GRIN3A: variants seen among roughly 807,000 people sequenced by gnomAD.
GRIN3A encodes the protein glutamate ionotropic receptor NMDA type subunit 3A.
Under a neutral mutation model 92.4 loss-of-function variants are expected in GRIN3A, and 47 were observed. That is an observed-to-expected ratio of 0.51 (90% CI 0.40 to 0.65). The LOEUF (loss-of-function observed/expected upper bound fraction) is 0.65. Among genes scored for constraint, GRIN3A ranks in the 30% least tolerant of loss-of-function variants. The pLI, the probability that GRIN3A is intolerant of heterozygous loss-of-function variation, is 0.00. For synonymous variants in GRIN3A, 527 were observed against 540.6 expected (o/e 0.97, Z 0.35); for missense variants, 1,324 against 1,393.1 (o/e 0.95, Z 0.79).
At chr9:101,580,744 ATTT>A (rs1449167226) in intron 6 of GRIN3A, among the ~76,000 whole-genome samples, 1 of 152,238 alleles carries the variant, frequency 6.6e-6, no homozygotes, top group Non-Finnish European at 1.5e-5. Context: ...TATAACGTCT[ATTT>A]TATAACTAAG....
chr9:101,659,983 A>G (rs1261497540), intron 3 of GRIN3A, among the ~76,000 whole-genome samples: 6 of 151,860 alleles, frequency 4.0e-5, no homozygotes, highest in African/African-American at 1.4e-4. Flanking sequence ...TGATTTTCCT[A>G]TGGTTTCTTG....
At chr9:101,701,066 C>T (rs894895596) in intron 1 of GRIN3A, among the ~76,000 whole-genome samples, 12 of 152,142 alleles carry the variant, frequency 7.9e-5, no homozygotes, top group African/African-American at 2.9e-4. Context: ...TACCGCGAAA[C>T]TTCTCCCCTC....
Position 101,687,069 on chromosome 9 carries a change from G to C in GRIN3A, c.831C>G (p.Thr277=), listed in dbSNP as rs148925855. ...LLLCQEDWNI[T]DFLLLTQNNS... Reference sequence around the variant, plus strand: ...TATTCTGGGTAAGGAGGAGGAAGTCGGTGATGTTCCAGTCTTCCTGGCACA... The same window carrying C: ...TATTCTGGGTAAGGAGGAGGAAGTCCGTGATGTTCCAGTCTTCCTGGCACA... Residue 277 remains threonine, a synonymous_variant, in exon 2 of 9, where the codon ACC becomes ACG. Transcript: ENST00000361820. 1 of 1,614,118 alleles carries C rather than the reference G, an allele frequency of 6.2e-7. No individual in the cohort carries two copies. The highest frequency in any genetic ancestry group is 1.1e-5 in the South Asian group (1 of 91,066).
Position 101,737,834 on chromosome 9 carries a change from C to G in GRIN3A, c.146G>C (p.Arg49Thr), listed in dbSNP as rs1055480172. 2.0e-6 allele frequency: 3 copies of G among 1,532,988 alleles called. No individual in the cohort carries two copies. The highest frequency in any genetic ancestry group is 2.6e-6 in the Non-Finnish European group (3 of 1,145,920). The allele number at this position is 1,532,988 out of a possible 1,614,324, so 95.0% of individuals were successfully genotyped here. A position where few individuals can be genotyped will look rare whatever the true frequency, so the allele number is the denominator to read the frequency against. The change falls in exon 1 of 9, where the codon AGG becomes ACG. Residue 49 changes from arginine to threonine, a missense_variant. Physicochemically the swap from Arg to Thr is moderately conservative, Grantham distance 71. Transcript: ENST00000361820. ...QILKRIGHAV[R>T]VGAVHLQPWT... ...GGGCTGCAAGTGCACCGCGCCCACC[C>G]TCACCGCGTGCCCGATGCGCTTGAG...
chr9:101,644,730 T>C (rs974550996), intron 3 of GRIN3A, among the ~76,000 whole-genome samples: 6 of 151,950 alleles, frequency 3.9e-5, no homozygotes, highest in Non-Finnish European at 8.8e-5. Flanking sequence ...TTTTCCTCTC[T>C]AATTCTATTG....
intron 3 of GRIN3A, among the ~76,000 whole-genome samples, chr9:101,668,810 A>T (rs988552336): frequency 1.3e-5 from 2 of 152,126 alleles, no homozygotes; most frequent in African/African-American, 4.8e-5. Context: ...TCCAACTGAA[A>T]CCATCTATGA....
At chr9:101,701,749 A>G (rs1404285692) in intron 1 of GRIN3A, among the ~76,000 whole-genome samples, 1 of 152,228 alleles carries the variant, frequency 6.6e-6, no homozygotes, top group African/African-American at 2.4e-5. Flanking sequence ...AACTATCAAC[A>G]GAGTAAACAG....
In GRIN3A at chr9:101,571,494, A is replaced by C. The variant is rs148722209; in HGVS notation, c.*1680T>G. 6.6e-6 allele frequency: 1 copy of C among 152,182 alleles called. No individual in the cohort carries two copies. The highest frequency in any genetic ancestry group is 1.5e-5 in the Non-Finnish European group (1 of 68,050). 9.4% of individuals were successfully genotyped at this position (152,182 alleles called of 1,614,324 possible). On this transcript the variant is annotated 3_prime_UTR_variant, in exon 9 of 9. Coordinates refer to ENST00000361820, the MANE Select transcript of GRIN3A (RefSeq NM_133445.3). Reference sequence around the variant, plus strand: ...CTCCTGAACTTATTGTAGGCATTCAAATTGGTTGGGGGTGGAACAATGAGT... The same window carrying C: ...CTCCTGAACTTATTGTAGGCATTCACATTGGTTGGGGGTGGAACAATGAGT...
In GRIN3A at chr9:101,573,218, C is replaced by G; in HGVS notation, c.3304G>C (p.Glu1102Gln). Residue 1102 changes from glutamate (E) to glutamine (Q), a missense_variant, in exon 9 of 9, where the codon GAG becomes CAG. Coordinates refer to ENST00000361820, the MANE Select transcript of GRIN3A (RefSeq NM_133445.3). ...CTTGTCCTTTGATACTCCTCCAGCT[C>G]CGTTTTCCTGCTCACAGCCAGCTGC... ...ELQLAVSRKT[E>Q]LEEYQRTSRT... The G allele has an allele frequency of 6.2e-7, 1 of 1,614,112 alleles. No homozygotes were observed. The highest frequency in any genetic ancestry group is 8.5e-7 in the Non-Finnish European group (1 of 1,179,982).
chr9:101,687,744 A>G (rs1399127018), intron 1 of GRIN3A, among the ~76,000 whole-genome samples: 5 of 152,168 alleles, frequency 3.3e-5, no homozygotes, highest in Admixed American at 3.3e-4. Context: ...GTAAAGAATA[A>G]TTTTCAATAC....
intron 6 of GRIN3A, among the ~76,000 whole-genome samples, chr9:101,585,762 C>G (rs1056611269): frequency 2.0e-5 from 3 of 152,196 alleles, no homozygotes; most frequent in African/African-American, 4.8e-5. Flanking sequence ...ATTGAGACAG[C>G]CTCCTAGTTG....
chr9:101,735,548 T>C (rs1247139314), intron 1 of GRIN3A, among the ~76,000 whole-genome samples: 1 of 151,824 alleles, frequency 6.6e-6, no homozygotes, highest in African/African-American at 2.4e-5. Flanking sequence ...CGAATTTTGG[T>C]GAAAAATTCT....
At chr9:101,597,503 ATCC>A (rs1828152275) in intron 6 of GRIN3A, among the ~76,000 whole-genome samples, 1 of 152,186 alleles carries the variant, frequency 6.6e-6, no homozygotes, top group South Asian at 2.1e-4. Flanking sequence ...TAGGCCACAG[ATCC>A]TGCTATAGTT....
At chr9:101,645,943 T>C (rs1285447355) in intron 3 of GRIN3A, among the ~76,000 whole-genome samples, 2 of 151,680 alleles carry the variant, frequency 1.3e-5, no homozygotes, top group Non-Finnish European at 3.0e-5. Context: ...GGCTACAGAA[T>C]TGTTTGAGAT....
At chr9:101,713,288 A>G (rs185399457) in intron 1 of GRIN3A, among the ~76,000 whole-genome samples, 6 of 152,350 alleles carry the variant, frequency 3.9e-5, no homozygotes, top group African/African-American at 1.4e-4. Context: ...AGGTAGAAGA[A>G]TTAGACATTC....
At chr9:101,728,440 C>T (rs917579347) in intron 1 of GRIN3A, among the ~76,000 whole-genome samples, 1 of 152,036 alleles carries the variant, frequency 6.6e-6, no homozygotes, top group African/African-American at 2.4e-5. Context: ...TGTTTGGAAC[C>T]GTAGAGACTC....
chr9:101,573,408 C>A lies in GRIN3A; in HGVS notation c.3114G>T (p.Leu1038=). 6.2e-7 allele frequency: 1 copy of A among 1,613,946 alleles called. No individual in the cohort carries two copies. The highest frequency in any genetic ancestry group is 8.5e-7 in the Non-Finnish European group (1 of 1,179,922). ...GGATGTCCTGGTGGATCCGGATGCC[C>A]AGCTGGTTTTGTCCTTCCTCATCAC... ...IFSDEEGQNQ[L]GIRIHQDIPL... is the part of the protein sequence containing the mutation. Residue 1038 remains leucine (L), a synonymous_variant, in exon 9 of 9, where the codon CTG becomes CTT. Transcript: ENST00000361820.
chr9:101,666,647 G>T (rs548983636), intron 3 of GRIN3A, among the ~76,000 whole-genome samples: 7 of 152,038 alleles, frequency 4.6e-5, no homozygotes, highest in African/African-American at 1.7e-4. Flanking sequence ...TAAATTAAAA[G>T]TTTAAAATAT....
chr9:101,687,281 A>G (rs1456700417), intron 1 of GRIN3A, 81 bp from the exon 2 acceptor site: 1 of 1,390,854 alleles, frequency 7.2e-7, no homozygotes, highest in Non-Finnish European at 1.0e-6. Context: ...CTTTCTTATG[A>G]GGCTTAATCC....
Sources: allele counts gnomAD v4.1 joint callset (sites outside exome capture counted in the v4.1 genomes callset), GRCh38; gene constraint gnomAD v4.1.1; transcripts MANE v1.5; gene names NCBI Gene and HGNC (gene_info 2026-07-23, HGNC 2026-07-21).